Variants in ITPR2 observed in about 807,000 individuals in gnomAD.
ITPR2 encodes the protein inositol 1,4,5-trisphosphate-gated calcium channel ITPR2.
ITPR2 carries 207 observed loss-of-function variants against 317.1 expected under a neutral mutation model. The observed-to-expected ratio is 0.65, with a 90% CI of 0.58 to 0.73. The LOEUF (loss-of-function observed/expected upper bound fraction) is 0.73. Among genes scored for constraint, ITPR2 ranks in the 30% least tolerant of loss-of-function variants. ITPR2 has a pLI of 0.00. For synonymous variants in ITPR2, 1,156 were observed against 1,149.1 expected (o/e 1.01, Z -0.12); for missense variants, 2,613 against 3,284.0 (o/e 0.80, Z 4.99).
At chr12:26,472,870 T>G (rs1942327426) in intron 45 of ITPR2, among the ~76,000 whole-genome samples, 1 of 152,178 alleles carries the variant, frequency 6.6e-6, no homozygotes, top group Non-Finnish European at 1.5e-5. Flanking sequence ...GTACTCTGTT[T>G]TTTTTTGTTT....
chr12:26,822,472 A>C (rs1950951755), intron 1 of ITPR2, among the ~76,000 whole-genome samples: 1 of 152,010 alleles, frequency 6.6e-6, no homozygotes, highest in Non-Finnish European at 1.5e-5. Flanking sequence ...TATATTAAGA[A>C]CTATTAAAAT....
At chr12:26,509,758 C>CTG (rs1943282527) in intron 37 of ITPR2, among the ~76,000 whole-genome samples, 1 of 152,010 alleles carries the variant, frequency 6.6e-6, no homozygotes, top group Admixed American at 6.6e-5. Flanking sequence ...GAGTCTTGAC[C>CTG]TGTGTGGGAA....
intron 45 of ITPR2, among the ~76,000 whole-genome samples, chr12:26,463,455 T>A (rs2136789458): frequency 6.6e-6 from 1 of 152,078 alleles, no homozygotes; most frequent in Admixed American, 6.5e-5. Flanking sequence ...TTATCTGAGG[T>A]CAAGAGTTTG....
chr12:26,666,621 A>G (rs978757856), intron 13 of ITPR2, among the ~76,000 whole-genome samples: 1 of 152,238 alleles, frequency 6.6e-6, no homozygotes, highest in African/African-American at 2.4e-5. Flanking sequence ...CAGAACAGGA[A>G]AAACTTAAAT....
At chr12:26,824,741 T>A (rs961879679) in intron 1 of ITPR2, among the ~76,000 whole-genome samples, 4 of 152,202 alleles carry the variant, frequency 2.6e-5, no homozygotes, top group Non-Finnish European at 5.9e-5. Context: ...ATCATCTACA[T>A]ACTCACCATA....
At chr12:26,599,501 A>T (rs1945939706) in intron 29 of ITPR2, among the ~76,000 whole-genome samples, 156 bp from the exon 30 acceptor site, 1 of 152,226 alleles carries the variant, frequency 6.6e-6, no homozygotes, top group African/African-American at 2.4e-5. Context: ...CGATGAGATC[A>T]TTAACCATTA....
intron 1 of ITPR2, among the ~76,000 whole-genome samples, chr12:26,821,143 A>C (rs926971461): frequency 1.3e-5 from 2 of 152,198 alleles, no homozygotes; most frequent in African/African-American, 4.8e-5. Context: ...TTTTATGTAT[A>C]TTTTATCGCA....
chr12:26,349,275 C>T (rs529224120), intron 55 of ITPR2, among the ~76,000 whole-genome samples: 12 of 152,316 alleles, frequency 7.9e-5, no homozygotes, highest in East Asian at 1.9e-4. Flanking sequence ...TAGAAAAACA[C>T]GTGACAGGAC....
chr12:26,799,073 A>C (rs74796778), intron 1 of ITPR2, among the ~76,000 whole-genome samples: 24,493 of 152,242 alleles, frequency 0.16, 2,704 homozygotes, highest in Non-Finnish European at 0.24. Context: ...TTTGGTTTAA[A>C]TATTAAAAGT....
At chr12:26,610,542 G>T (rs1243738238) in intron 26 of ITPR2, among the ~76,000 whole-genome samples, 1 of 150,520 alleles carries the variant, frequency 6.6e-6, no homozygotes, top group Admixed American at 6.6e-5. Flanking sequence ...AGGGAAGGAA[G>T]GAATTAATTC....
At chr12:26,813,765 A>G (rs1035353398) in intron 1 of ITPR2, among the ~76,000 whole-genome samples, 5 of 152,220 alleles carry the variant, frequency 3.3e-5, no homozygotes, top group African/African-American at 1.2e-4. Flanking sequence ...CGCCACCTGA[A>G]AGAGTCCTAA....
chr12:26,568,431 C>A (rs1197527838), intron 34 of ITPR2, among the ~76,000 whole-genome samples: 1 of 151,868 alleles, frequency 6.6e-6, no homozygotes. Flanking sequence ...TATTTTTAGG[C>A]AACTGTCTAA....
chr12:26,543,426 G>T (rs1032535863), intron 37 of ITPR2, among the ~76,000 whole-genome samples: 4 of 152,106 alleles, frequency 2.6e-5, no homozygotes, highest in Non-Finnish European at 4.4e-5. Context: ...GAGGGAGAGA[G>T]AAAGAGAGTG....
Position 26,682,685 on chromosome 12 carries a change from A to G in ITPR2, c.1149-12T>C, listed in dbSNP as rs1948057372. On this transcript the variant is annotated splice_polypyrimidine_tract_variant and intron_variant, in intron 11 of 56. Transcript: ENST00000381340. ...GAACATATGAGTTCCTAAAAGCAAA[A>G]CAATATAAAAAAACAAATTATAAAA... The G allele has an allele frequency of 1.3e-6, 2 of 1,557,034 alleles. No homozygotes were observed. The highest frequency in any genetic ancestry group is 1.8e-5 in the Admixed American group (1 of 56,564).
intron 32 of ITPR2, among the ~76,000 whole-genome samples, chr12:26,591,079 C>CAAAAAAAA (rs34387951): frequency 1.2e-4 from 5 of 43,404 alleles, no homozygotes; most frequent in Non-Finnish European, 1.6e-4. Context: ...GACTCCATCT[C>CAAAAAAAA]AAAAAAAAAA....
chr12:26,455,344 T>TAAAAAAA lies in ITPR2; in HGVS notation c.6343-11701_6343-11695dup, dbSNP rs10687003. Reference sequence around the variant, plus strand: ...GTTTAACTGTCTAATCAACAGCTGCTAAAAAAAAAAAAAAAAAAAAAAAAA... The same window carrying TAAAAAAA: ...GTTTAACTGTCTAATCAACAGCTGCTAAAAAAAAAAAAAAAAAAAAAAAAAAAAAAAA... On this transcript the variant is annotated intron_variant, in intron 45 of 56. Coordinates refer to ENST00000381340, the MANE Select transcript of ITPR2 (RefSeq NM_002223.4). 1.5e-3 allele frequency among the ~76,000 whole-genome samples: 99 copies of TAAAAAAA among 66,372 alleles called. 8 individuals carry two copies. The highest frequency in any genetic ancestry group is 5.2e-3 in the African/African-American group (88 of 16,960). 43.5% of individuals were successfully genotyped at this position (66,372 alleles called of 152,430 possible).
intron 25 of ITPR2, 34 bp downstream of exon 25, chr12:26,622,206 T>C (rs757251834): frequency 8.2e-6 from 13 of 1,578,546 alleles, no homozygotes; most frequent in Non-Finnish European, 1.0e-5. Context: ...TCAGAGCTTT[T>C]GCTGTGGATG....
chr12:26,661,265 GGTGT>G (rs35462087), intron 15 of ITPR2, among the ~76,000 whole-genome samples: 68 of 37,230 alleles, frequency 1.8e-3, no homozygotes, highest in African/African-American at 3.1e-3. Flanking sequence ...ACTAGGTAGG[GGTGT>G]GTGTGTGGGG....
chr12:26,784,814 T>C (rs956311771), intron 2 of ITPR2, among the ~76,000 whole-genome samples: 11 of 118,988 alleles, frequency 9.2e-5, no homozygotes, highest in Non-Finnish European at 1.6e-4. Flanking sequence ...TCGTCTGGGA[T>C]ACGGGGAGCC....
Sources: gnomAD v4.1 joint callset for allele counts (sites outside exome capture counted in the v4.1 genomes callset) on GRCh38, gnomAD v4.1.1 for gene constraint, MANE v1.5 for transcripts, NCBI Gene and HGNC (gene_info 2026-07-23, HGNC 2026-07-21) for gene names.